Variants in CD163L1 observed in about 807,000 individuals in gnomAD.
CD163L1 encodes the protein CD163 molecule like 1.
CD163L1 carries 124 observed loss-of-function variants against 165.4 expected under a neutral mutation model. That is an observed-to-expected ratio of 0.75 (90% confidence interval 0.65 to 0.87). The LOEUF is 0.87. Among genes scored for constraint, CD163L1 ranks in the 40% least tolerant of loss-of-function variants. CD163L1 has a pLI of 0.00. For synonymous variants in CD163L1, 585 were observed against 662.2 expected, an observed-to-expected ratio of 0.88 and a Z score of 1.79; for missense variants, 1,525 against 1,799.9, an observed-to-expected ratio of 0.85 and a Z score of 2.76.
the CD163L1 span, among the ~76,000 whole-genome samples, chr12:7,339,967 T>C: frequency 1.3e-5 from 2 of 152,148 alleles, no homozygotes; most frequent in Non-Finnish European, 2.9e-5. Flanking sequence ...AGTCCACTTT[T>C]TTGGGTGACA....
intron 1 of CD163L1, among the ~76,000 whole-genome samples, chr12:7,443,796 C>T: frequency 6.6e-6 from 1 of 152,118 alleles, no homozygotes; most frequent in East Asian, 1.9e-4. Context: ...CAATAAGTTT[C>T]TAATTTATCC....
rs755424919 is a variant in CD163L1 at position 7,374,691 on chromosome 12, C to T, written c.3160G>A (p.Asp1054Asn). The change falls in exon 13 of 20, where the codon GAC becomes AAC. Residue 1054 changes from aspartate (D) to asparagine (N), a missense_variant. Physicochemically the swap from Asp to Asn is conservative, Grantham distance 23 (BLOSUM62 1). Transcript: ENST00000313599. The surrounding 1 kb of genome is among the most constrained non-coding windows in gnomAD (Gnocchi z 5.4). ...TCACAGATGGTGCCCCAGAAGCCGT[C>T]GTGATAGATCTCTACTCTCCCGGCA... ...RCAGRVEIYHDGFWGTICDDG... is the reference protein window; with the variant it reads ...RCAGRVEIYHNGFWGTICDDG... 2.2e-5 allele frequency: 36 copies of T among 1,614,094 alleles called. No individual in the cohort carries two copies. Among genetic ancestry groups the T allele is most frequent in the African/African-American group, 5.3e-5 (4 of 74,932 alleles).
chr12:7,330,760 T>A, the CD163L1 span, among the ~76,000 whole-genome samples: 5 of 152,166 alleles, frequency 3.3e-5, no homozygotes, highest in Non-Finnish European at 2.9e-5. Context: ...CATGCTGAAG[T>A]CCAAGTGGCT....
chr12:7,380,362 C>A (rs59831241), intron 8 of CD163L1, among the ~76,000 whole-genome samples: 3 of 146,190 alleles, frequency 2.1e-5, no homozygotes, highest in South Asian at 4.5e-4. Context: ...TGTGTGTATA[C>A]GCGTATACAT....
chr12:7,367,654 T>C (rs1947051758), intron 17 of CD163L1: 2 of 222,788 alleles, frequency 9.0e-6, no homozygotes, highest in Non-Finnish European at 1.8e-5. Flanking sequence ...AATTAGGAAA[T>C]TGGAGTTTGG....
chr12:7,319,401 C>G, the CD163L1 span, among the ~76,000 whole-genome samples: 1 of 151,918 alleles, frequency 6.6e-6, no homozygotes, highest in Non-Finnish European at 1.5e-5. Flanking sequence ...ACCAGCCTGG[C>G]CAAGATGGTG....
intron 4 of CD163L1, among the ~76,000 whole-genome samples, chr12:7,418,084 T>G (rs1948281514): frequency 6.6e-6 from 1 of 152,032 alleles, no homozygotes; most frequent in Non-Finnish European, 1.5e-5. Flanking sequence ...GAATATGCAT[T>G]CTATTCATCA....
rs758944322 is a variant in CD163L1 at position 7,433,484 on chromosome 12, AG to A, written c.334del (p.Asp113MetfsTer33). ...ATTTCCATAACAGGAAACATCATCA[AG>A]CCAAATTTTTCCATGTCTAGTCACG... ...QAVTRHGKIWLDDVSCYGNES... is the reference protein window; with the variant it reads ...QAVTRHGKIWXDDVSCYGNES... On this transcript the variant is annotated frameshift_variant, in exon 3 of 20. Transcript: ENST00000313599. LOFTEE classifies it high-confidence loss of function. The A allele has an allele frequency of 3.7e-5, 59 of 1,614,068 alleles. No homozygotes were observed. Among genetic ancestry groups the A allele is most frequent in the Non-Finnish European group, 4.5e-5 (53 of 1,180,028 alleles).
At chr12:7,426,495 CT>C (rs1019901862) in intron 4 of CD163L1, among the ~76,000 whole-genome samples, 1 of 151,836 alleles carries the variant, frequency 6.6e-6, no homozygotes, top group African/African-American at 2.4e-5. Flanking sequence ...ACTTTGGGGA[CT>C]TGGGAGAAAG....
At position 7,369,509 on chromosome 12, in the gene CD163L1, AG is replaced by A. The variant is rs1330299105; in HGVS notation, c.3886del (p.Leu1296Ter). Reference protein sequence around the residue: ...QLGCGSALAALRDASFGQGTG... With the variant: ...QLGCGSALAAXRDASFGQGTG... ...TCCCTGGCCAAACGAAGCGTCCCTCAGGGCAGCCAGAGCAGAGCCACAGCCC... is the reference window on the plus strand; with the variant it reads ...TCCCTGGCCAAACGAAGCGTCCCTCAGGCAGCCAGAGCAGAGCCACAGCCC... On this transcript the variant is annotated frameshift_variant, in exon 15 of 20. Transcript: ENST00000313599. LOFTEE classifies it high-confidence loss of function. This position sits in a 1 kb window ranked among gnomAD's most constrained non-coding sequence, Gnocchi z 4.9. The A allele has an allele frequency of 6.2e-7, 1 of 1,614,174 alleles. No homozygotes were observed. Among genetic ancestry groups the A allele is most frequent in the South Asian group, 1.1e-5 (1 of 91,082 alleles).
chr12:7,376,059 A>C (rs1165348891), intron 9 of CD163L1, 45 bp from the exon 10 acceptor site: 1 of 1,540,430 alleles, frequency 6.5e-7, no homozygotes, highest in Non-Finnish European at 8.8e-7. Flanking sequence ...GTTTTCCAAT[A>C]TCTATCCCTG....
intron 18 of CD163L1, among the ~76,000 whole-genome samples, chr12:7,363,694 A>G (rs1170678991): frequency 6.6e-6 from 1 of 151,666 alleles, no homozygotes; most frequent in East Asian, 1.9e-4. Flanking sequence ...ATATATTTCT[A>G]GTCATATACA....
chr12:7,407,031 G>C (rs1359313993), intron 4 of CD163L1, among the ~76,000 whole-genome samples, 179 bp from the exon 5 acceptor site: 2 of 152,158 alleles, frequency 1.3e-5, no homozygotes, highest in African/African-American at 4.8e-5. Context: ...CCCAGGAAAG[G>C]ATCATACTAT....
At chr12:7,349,773 G>C (rs1012546060) in intron 4 of CD163L1, among the ~76,000 whole-genome samples, 1 of 152,158 alleles carries the variant, frequency 6.6e-6, no homozygotes, top group Non-Finnish European at 1.5e-5. Flanking sequence ...GGAGTAATGG[G>C]AACAATACAC....
At chr12:7,426,051 T>A (rs773723563) in intron 4 of CD163L1, among the ~76,000 whole-genome samples, 6 of 152,138 alleles carry the variant, frequency 3.9e-5, no homozygotes, top group Non-Finnish European at 8.8e-5. Flanking sequence ...CAAATGCCCA[T>A]CAATGATAGA....
Position 7,398,670 on chromosome 12 carries a change from T to G in CD163L1, c.1409-86A>C. On this transcript the variant is annotated intron_variant, in intron 6 of 19. Transcript: ENST00000313599. The surrounding 1 kb of genome is among the most constrained non-coding windows in gnomAD (Gnocchi z 4.5). Reference sequence around the variant, plus strand: ...AAAAGACTCTCTAAATTCACGACTATAAGGCTTTGCCTAACAGGTGATATA... The same window carrying G: ...AAAAGACTCTCTAAATTCACGACTAGAAGGCTTTGCCTAACAGGTGATATA... 3.4e-6 allele frequency: 4 copies of G among 1,181,238 alleles called. No homozygotes were observed. The highest frequency in any genetic ancestry group is 4.6e-6 in the Non-Finnish European group (4 of 861,092). The allele number at this position is 1,181,238 out of a possible 1,614,324, so 73.2% of individuals were successfully genotyped here. A position where few individuals can be genotyped will look rare whatever the true frequency, so the allele number is the denominator to read the frequency against.
At chr12:7,349,592 G>C (rs1416570408) in intron 4 of CD163L1, among the ~76,000 whole-genome samples, 4 of 152,078 alleles carry the variant, frequency 2.6e-5, no homozygotes, top group Admixed American at 2.6e-4. Context: ...GATGTATAAG[G>C]GTCATATCCT....
intron 8 of CD163L1, among the ~76,000 whole-genome samples, chr12:7,380,565 G>C (rs1221969585): frequency 6.6e-6 from 1 of 151,986 alleles, no homozygotes; most frequent in Non-Finnish European, 1.5e-5. Flanking sequence ...ACTCATAAGT[G>C]GGGGGCTAAG....
At chr12:7,439,134 C>T (rs1438161400) in intron 2 of CD163L1, 2 of 1,574,418 alleles carry the variant, frequency 1.3e-6, no homozygotes, top group Non-Finnish European at 1.7e-6. Context: ...TGTTTCTCTT[C>T]TCTGCTGTCG....
Sources: gnomAD v4.1 joint callset for allele counts (sites outside exome capture counted in the v4.1 genomes callset) on GRCh38, gnomAD v4.1.1 for gene constraint, Gnocchi (gnomAD v3.1) non-coding constraint, MANE v1.5 for transcripts, NCBI Gene and HGNC (gene_info 2026-07-23, HGNC 2026-07-21) for gene names.